Variants in MTPN observed in about 807,000 individuals in gnomAD.
MTPN encodes granule cell differentiation protein.
Under a neutral mutation model 13.5 loss-of-function variants are expected in MTPN, and 2 were observed. That is an observed-to-expected ratio of 0.15 (90% CI 0.06 to 0.47). The LOEUF (loss-of-function observed/expected upper bound fraction) is 0.47. MTPN is among the 20% of genes least tolerant of loss of function. The pLI is 0.97. For missense variants in MTPN, 79 were observed against 137.9 expected (o/e 0.57, Z 2.14); for synonymous variants, 46 against 51.7 (o/e 0.89, Z 0.48).
chr7:135,964,247 A>G (rs1290950319), intron 1 of MTPN, among the ~76,000 whole-genome samples: 1 of 152,080 alleles, frequency 6.6e-6, no homozygotes, highest in African/African-American at 2.4e-5. Flanking sequence ...CATGTATTAA[A>G]TAAGGGAAAT....
chr7:135,928,858 T>A lies in MTPN; in HGVS notation c.*1068A>T, dbSNP rs934725772. The A allele has an allele frequency of 1.8e-5, 3 of 167,094 alleles. No homozygotes were observed. Among genetic ancestry groups the A allele is most frequent in the Non-Finnish European group, 2.9e-5 (2 of 68,112 alleles). 10.4% of individuals were successfully genotyped at this position (167,094 alleles called of 1,614,324 possible). On this transcript the variant is annotated 3_prime_UTR_variant, in exon 4 of 4. Coordinates refer to ENST00000393085, the MANE Select transcript of MTPN (RefSeq NM_145808.4). ...TATCAACAACTCTGGGAAACCTGGT[T>A]ACAAGTGTATTTTTGAAGGGATGGG...
At chr7:135,963,268 T>C (rs777470182) in intron 1 of MTPN, among the ~76,000 whole-genome samples, 11 of 152,028 alleles carry the variant, frequency 7.2e-5, no homozygotes, top group Admixed American at 4.6e-4. Context: ...TGTTATAATA[T>C]AGTCCCTCCT....
chr7:135,940,112 T>C (rs1010060736), intron 3 of MTPN, among the ~76,000 whole-genome samples: 7 of 152,204 alleles, frequency 4.6e-5, no homozygotes, highest in Non-Finnish European at 8.8e-5. Flanking sequence ...AAGAACTCCA[T>C]TATCTCATGA....
At chr7:135,953,479 G>A (rs1799395314) in intron 1 of MTPN, among the ~76,000 whole-genome samples, 1 of 152,154 alleles carries the variant, frequency 6.6e-6, no homozygotes, top group African/African-American at 2.4e-5. Flanking sequence ...GACAGTACCT[G>A]CAGCTCATGG....
At chr7:135,935,519 C>T (rs1041414923) in intron 3 of MTPN, among the ~76,000 whole-genome samples, 16 of 152,160 alleles carry the variant, frequency 1.1e-4, no homozygotes, top group African/African-American at 3.6e-4. Context: ...GGATCACAGG[C>T]GTGAGCCACT....
intron 3 of MTPN, chr7:135,932,759 T>G (rs4732162): frequency 2.0e-5 from 3 of 151,738 alleles, no homozygotes; most frequent in African/African-American, 4.8e-5. Flanking sequence ...TTTAAAAATT[T>G]CATTTGTAAT....
intron 1 of MTPN, among the ~76,000 whole-genome samples, chr7:135,973,613 T>C (rs1219407039): frequency 6.6e-6 from 1 of 152,152 alleles, no homozygotes; most frequent in East Asian, 1.9e-4. Context: ...TCAAAAATAA[T>C]GTCACCCAAA....
Position 135,927,256 on chromosome 7 carries a change from T to G in MTPN, c.*2670A>C. 3.9e-6 allele frequency: 6 copies of G among 1,527,416 alleles called. No individual in the cohort carries two copies. Among genetic ancestry groups the G allele is most frequent in the Non-Finnish European group, 5.3e-6 (6 of 1,134,282 alleles). 94.6% of individuals were successfully genotyped at this position (1,527,416 alleles called of 1,614,324 possible). A position where few individuals can be genotyped will look rare whatever the true frequency, so the allele number is the denominator to read the frequency against. ...ACACTGCACCTACCTACTACCTCTC[T>G]TCCATGCTTAACTGGGTTTAGAAAG... On this transcript the variant is annotated 3_prime_UTR_variant, in exon 4 of 4. Coordinates refer to ENST00000393085, the MANE Select transcript of MTPN (RefSeq NM_145808.4).
At chr7:135,976,676 A>C (rs1799777211) in intron 1 of MTPN, among the ~76,000 whole-genome samples, 1 of 152,168 alleles carries the variant, frequency 6.6e-6, no homozygotes, top group Admixed American at 6.5e-5. Context: ...CATTCAAAGA[A>C]AGGTTTAAGT....
intron 1 of MTPN, among the ~76,000 whole-genome samples, chr7:135,955,667 A>G (rs1369457592): frequency 6.6e-6 from 1 of 152,216 alleles, no homozygotes; most frequent in African/African-American, 2.4e-5. Flanking sequence ...TGATGGAAAA[A>G]TTTTACACAA....
Position 135,929,879 on chromosome 7 carries a change from A to G in MTPN, c.*47T>C. On this transcript the variant is annotated 3_prime_UTR_variant, in exon 4 of 4. Transcript: ENST00000393085. ...TGACAGACAGACAGGCAGCAGTGTG[A>G]GGCCACAGGAGAGTCATTCTTCCGG... The G allele has an allele frequency of 6.4e-7, 1 of 1,563,324 alleles. No individual in the cohort carries two copies. The highest frequency in any genetic ancestry group is 8.8e-7 in the Non-Finnish European group (1 of 1,133,616).
intron 1 of MTPN, 105 bp downstream of exon 1, chr7:135,976,924 T>TACAACC: frequency 2.8e-6 from 2 of 724,842 alleles, no homozygotes; most frequent in Non-Finnish European, 5.0e-6. Flanking sequence ...AGGAAGTCTC[T>TACAACC]CCTCCCGCCC....
intron 1 of MTPN, among the ~76,000 whole-genome samples, chr7:135,967,630 T>C (rs1342078122): frequency 6.6e-6 from 1 of 152,218 alleles, no homozygotes; most frequent in Admixed American, 6.5e-5. Flanking sequence ...ATCTTGCTTC[T>C]AAACAAATTT....
At chr7:135,943,065 AC>A (rs2116361232) in intron 3 of MTPN, among the ~76,000 whole-genome samples, 1 of 152,322 alleles carries the variant, frequency 6.6e-6, no homozygotes, top group South Asian at 2.1e-4. Flanking sequence ...TAAAAATAAG[AC>A]AATTCAGTAA....
At chr7:135,953,601 T>A (rs868807207) in intron 1 of MTPN, among the ~76,000 whole-genome samples, 2 of 152,192 alleles carry the variant, frequency 1.3e-5, no homozygotes, top group African/African-American at 4.8e-5. Context: ...ATGTATGTAA[T>A]AGGTATACTC....
intron 1 of MTPN, among the ~76,000 whole-genome samples, chr7:135,972,866 A>C (rs1351845735): frequency 1.3e-5 from 2 of 151,686 alleles, no homozygotes; most frequent in Admixed American, 1.3e-4. Context: ...TAGGAGGGTA[A>C]ATAGGAGTTT....
At position 135,944,401 on chromosome 7, in the gene MTPN, C is replaced by G. The variant is rs376719756; in HGVS notation, c.270+6198G>C. On this transcript the variant is annotated intron_variant, in intron 3 of 3. Coordinates refer to ENST00000393085, the MANE Select transcript of MTPN (RefSeq NM_145808.4). ...TAGAAATGTGCAACATGAGGCCAGG[C>G]GTGGTGGCTCGCGCCTGTAATCCCA... 4.4e-4 allele frequency among the ~76,000 whole-genome samples: 67 copies of G among 152,120 alleles called. 1 individual carries two copies. The South Asian group carries it at 0.014, about 32-fold the overall frequency.
Position 135,927,764 on chromosome 7 carries a change from A to G in MTPN, c.*2162T>C, listed in dbSNP as rs770445960. ...AGGGTTTACAAAAAGGTCGAGAAAG[A>G]AAAGCGAAGGCGAAATAGCCTCTAC... On this transcript the variant is annotated 3_prime_UTR_variant, in exon 4 of 4. Transcript: ENST00000393085. 8.1e-5 allele frequency: 38 copies of G among 466,296 alleles called. No homozygotes were observed. The highest frequency in any genetic ancestry group is 1.6e-4 in the Non-Finnish European group (37 of 228,972). The allele number at this position is 466,296 out of a possible 1,614,324, so 28.9% of individuals were successfully genotyped here.
rs1330042660 is a variant in MTPN at position 135,927,706 on chromosome 7, T to A, written c.*2220A>T. 4.0e-5 allele frequency: 21 copies of A among 526,828 alleles called. No individual in the cohort carries two copies. The highest frequency in any genetic ancestry group is 7.2e-5 in the Non-Finnish European group (19 of 265,398). 32.6% of individuals were successfully genotyped at this position (526,828 alleles called of 1,614,324 possible). A position where few individuals can be genotyped will look rare whatever the true frequency, so the allele number is the denominator to read the frequency against. On this transcript the variant is annotated 3_prime_UTR_variant, in exon 4 of 4. Coordinates refer to ENST00000393085, the MANE Select transcript of MTPN (RefSeq NM_145808.4). ...CAGTCTATTCTATTCTATGTTTATA[T>A]GTTATTTTCTCAAGCAATCGCTTCA... is the stretch of plus-strand genomic sequence containing the variant.
Sources: gnomAD v4.1 joint callset for allele counts (sites outside exome capture counted in the v4.1 genomes callset) on GRCh38, gnomAD v4.1.1 for gene constraint, MANE v1.5 for transcripts, NCBI Gene and HGNC (gene_info 2026-07-23, HGNC 2026-07-21) for gene names.